The following ATP8A2 variants were observed in gnomAD, a reference collection of about 807,000 sequenced individuals.
ATP8A2 encodes the protein phospholipid-transporting ATPase IB.
A neutral mutation model predicts 165.6 loss-of-function variants in ATP8A2; 100 were observed. The ratio of observed to expected loss-of-function variants is 0.60; its 90% CI spans 0.51 to 0.71. The LOEUF (loss-of-function observed/expected upper bound fraction) is 0.71, where lower values mean the gene tolerates loss of function less well. Among genes scored for constraint, ATP8A2 ranks in the 30% least tolerant of loss-of-function variants. ATP8A2 has a pLI of 0.00. For synonymous variants in ATP8A2, 543 were observed against 548.8 expected (o/e 0.99, Z 0.15); for missense variants, 1,227 against 1,479.5 (o/e 0.83, Z 2.80).
chr13:25,433,117 T>G (rs564515521), intron 1 of ATP8A2, among the ~76,000 whole-genome samples: 2 of 152,332 alleles, frequency 1.3e-5, no homozygotes, highest in South Asian at 4.1e-4. Flanking sequence ...GCCTTGGCAC[T>G]CTGTCTTTCC....
At chr13:25,745,816 A>G (rs1372948663) in intron 25 of ATP8A2, among the ~76,000 whole-genome samples, 1 of 152,186 alleles carries the variant, frequency 6.6e-6, no homozygotes, top group Non-Finnish European at 1.5e-5. Flanking sequence ...GCAAACAAAA[A>G]CCACCTGAGT....
intron 30 of ATP8A2, among the ~76,000 whole-genome samples, chr13:25,853,125 G>A (rs1952051298): frequency 6.6e-6 from 1 of 151,740 alleles, no homozygotes; most frequent in African/African-American, 2.4e-5. Context: ...GTCAGGTGCG[G>A]TGGCTGTAAT....
Position 25,465,737 on chromosome 13 carries a change from T to TTCTTTCTTTCCC in ATP8A2, c.77-3238_77-3237insTTTCTTTCCCTC, listed in dbSNP as rs1555274928. On this transcript the variant is annotated intron_variant, in intron 1 of 36. Transcript: ENST00000381655. The stretch of plus-strand genomic sequence containing the variant: ...TTTCTTTCTTTCTTTCTTTCTTTCT[T>TTCTTTCTTTCCC]TCCCTCCCTCCCTCTCTCTCTCTCT... Among the ~76,000 whole-genome samples, 22 of 5,612 alleles carry TTCTTTCTTTCCC rather than the reference T, an allele frequency of 3.9e-3. 1 individual carries two copies. The highest frequency in any genetic ancestry group is 0.013 in the Admixed American group (4 of 312). The allele number at this position is 5,612 out of a possible 152,430, so 3.7% of individuals were successfully genotyped here. A position where few individuals can be genotyped will look rare whatever the true frequency, so the allele number is the denominator to read the frequency against.
chr13:25,563,929 A>C (rs374215675), intron 15 of ATP8A2, 27 bp from the exon 16 acceptor site: 186 of 1,554,226 alleles, frequency 1.2e-4, no homozygotes, highest in Non-Finnish European at 1.6e-4. Flanking sequence ...TTTAAATTGA[A>C]TAAATTTTCT....
chr13:25,752,024 T>C (rs1177489166), intron 25 of ATP8A2, among the ~76,000 whole-genome samples: 4 of 151,696 alleles, frequency 2.6e-5, no homozygotes, highest in African/African-American at 7.3e-5. Context: ...CTCATGCCTA[T>C]AATCCCAGCA....
intron 33 of ATP8A2, among the ~76,000 whole-genome samples, chr13:25,916,985 G>T (rs1310918319): frequency 1.3e-5 from 2 of 151,950 alleles, no homozygotes; most frequent in Admixed American, 1.3e-4. Flanking sequence ...TTTTTTTCTG[G>T]CACCAACATC....
At chr13:25,591,161 A>G (rs2040064813) in intron 24 of ATP8A2, 1 of 346,734 alleles carries the variant, frequency 2.9e-6, no homozygotes, top group African/African-American at 2.3e-5. Context: ...GTGTGTGTGT[A>G]AATTGTTGTG....
intron 10 of ATP8A2, among the ~76,000 whole-genome samples, chr13:25,546,651 G>A (rs754366168): frequency 6.6e-6 from 1 of 152,042 alleles, no homozygotes; most frequent in African/African-American, 2.4e-5. Flanking sequence ...GAAAAAGAGC[G>A]ATTATCACAC....
chr13:25,449,189 T>C (rs1189814902), intron 1 of ATP8A2, among the ~76,000 whole-genome samples: 1 of 152,202 alleles, frequency 6.6e-6, no homozygotes, highest in Non-Finnish European at 1.5e-5. Context: ...TTCTTCTTTT[T>C]CTAGTTTTTA....
At chr13:25,598,364 T>G (rs1279747171) in intron 24 of ATP8A2, among the ~76,000 whole-genome samples, 5 of 152,202 alleles carry the variant, frequency 3.3e-5, no homozygotes, top group Non-Finnish European at 5.9e-5. Context: ...CATTTTAGAA[T>G]CAGGCTGTAG....
intron 24 of ATP8A2, among the ~76,000 whole-genome samples, chr13:25,620,730 T>A (rs76099319): frequency 2.6e-5 from 4 of 152,292 alleles, no homozygotes; most frequent in African/African-American, 7.2e-5. Flanking sequence ...TTGATAGAAA[T>A]ATGAAATTAA....
intron 10 of ATP8A2, among the ~76,000 whole-genome samples, chr13:25,546,306 A>T (rs2038647277): frequency 6.6e-6 from 1 of 152,154 alleles, no homozygotes; most frequent in Admixed American, 6.5e-5. Flanking sequence ...TTGACTGCTC[A>T]TGTATAGAAT....
rs57194469 is a variant in ATP8A2 at position 25,813,382 on chromosome 13, T to TATATGATATGATATGATATG, written c.2680-14716_2680-14697dup. On this transcript the variant is annotated intron_variant, in intron 27 of 36. Transcript: ENST00000381655. Reference sequence around the variant, plus strand: ...ACAGGCAAGCCAGCCAGGATGATGATATATGATATGATATGATATGATATG... The same window carrying TATATGATATGATATGATATG: ...ACAGGCAAGCCAGCCAGGATGATGATATATGATATGATATGATATGATATGATATGATATGATATGATATG... Among the ~76,000 whole-genome samples the TATATGATATGATATGATATG allele has an allele frequency of 2.5e-3, 365 of 147,222 alleles. 1 individual carries two copies. Among genetic ancestry groups the TATATGATATGATATGATATG allele is most frequent in the Middle Eastern group, 0.01 (3 of 288 alleles).
intron 24 of ATP8A2, among the ~76,000 whole-genome samples, chr13:25,606,287 A>C (rs539386746): frequency 6.6e-6 from 1 of 152,332 alleles, no homozygotes; most frequent in East Asian, 1.9e-4. Flanking sequence ...GAGGTGAACC[A>C]TGAAAGGTAG....
At chr13:25,567,451 G>C (rs2039348694) in intron 16 of ATP8A2, 2 of 453,564 alleles carry the variant, frequency 4.4e-6, no homozygotes, top group East Asian at 1.4e-4. Flanking sequence ...CTGCCCTCCT[G>C]AGCCAAATTT....
At chr13:25,798,356 A>G (rs1950539563) in intron 27 of ATP8A2, among the ~76,000 whole-genome samples, 1 of 152,130 alleles carries the variant, frequency 6.6e-6, no homozygotes, top group South Asian at 2.1e-4. Flanking sequence ...GAACTTCCTC[A>G]GCTTTTTCTG....
chr13:25,598,504 T>C (rs978867404), intron 24 of ATP8A2, among the ~76,000 whole-genome samples: 12 of 152,222 alleles, frequency 7.9e-5, no homozygotes, highest in Non-Finnish European at 1.8e-4. Flanking sequence ...TCTCATTTAC[T>C]TAGGTCTTTA....
chr13:25,627,127 T>G (rs899509023), intron 24 of ATP8A2, among the ~76,000 whole-genome samples: 1 of 152,174 alleles, frequency 6.6e-6, no homozygotes, highest in African/African-American at 2.4e-5. Context: ...ATTTCTGGCC[T>G]GAGACTCCAG....
intron 24 of ATP8A2, among the ~76,000 whole-genome samples, chr13:25,609,534 G>GGGATTCAAATATAGATATATATATTT (rs2040604345): frequency 4.7e-5 from 2 of 42,220 alleles, no homozygotes; most frequent in Non-Finnish European, 1.4e-4. Context: ...ATATATATTT[G>GGGATTCAAATATAGATATATATATTT]GGATTCAAAT....
Sources: allele counts gnomAD v4.1 joint callset (sites outside exome capture counted in the v4.1 genomes callset), GRCh38; gene constraint gnomAD v4.1.1; transcripts MANE v1.5; gene names NCBI Gene and HGNC (gene_info 2026-07-23, HGNC 2026-07-21).